Variants in C7 observed in about 807,000 individuals in gnomAD.
The protein encoded by C7 is complement component C7.
A neutral mutation model predicts 104.8 loss-of-function variants in C7; 83 were observed. That is an observed-to-expected ratio of 0.79 (90% CI 0.66 to 0.95). The LOEUF (loss-of-function observed/expected upper bound fraction) is 0.95, where lower values mean the gene tolerates loss of function less well. Among genes scored for constraint, C7 ranks in the 40% least tolerant of loss-of-function variants. The pLI is 0.00. For missense variants in C7, 1,070 were observed against 1,011.2 expected, an observed-to-expected ratio of 1.06 and a Z score of -0.79; for synonymous variants, 415 against 360.6, an observed-to-expected ratio of 1.15 and a Z score of -1.71.
intron 17 of C7, 21 bp downstream of exon 17, chr5:40,979,930 G>GT: frequency 6.4e-7 from 1 of 1,551,156 alleles, no homozygotes; most frequent in Non-Finnish European, 8.7e-7. Flanking sequence ...TTTCATATTT[G>GT]TAAGTATAAG....
chr5:40,922,575 C>A (rs1291921762), intron 1 of C7, among the ~76,000 whole-genome samples: 1 of 150,568 alleles, frequency 6.6e-6, no homozygotes, highest in African/African-American at 2.4e-5. Flanking sequence ...GTGGCACGTG[C>A]CTGTAATTTC....
chr5:40,923,627 T>G (rs923703702), intron 1 of C7, among the ~76,000 whole-genome samples: 1 of 151,962 alleles, frequency 6.6e-6, no homozygotes, highest in Admixed American at 6.6e-5. Flanking sequence ...GTGCCTGTAA[T>G]CATAGCTACT....
intron 1 of C7, among the ~76,000 whole-genome samples, chr5:40,912,425 C>A (rs987565759): frequency 2.6e-5 from 4 of 152,160 alleles, no homozygotes; most frequent in African/African-American, 9.7e-5. Context: ...GTTGCCCTGG[C>A]TGGAGTGTAG....
rs1740724965 is a variant in C7, at chr5:40,972,612, C to T, written c.2074+18C>T. 1.3e-6 allele frequency: 2 copies of T among 1,572,692 alleles called. No homozygotes were observed. The highest frequency in any genetic ancestry group is 2.2e-5 in the East Asian group (1 of 44,718). On this transcript the variant is annotated intron_variant, in intron 15 of 17. Transcript: ENST00000313164. ...ACAAAAAGGTGAGTGGCTTCCATGT[C>T]TATCCAAGGACACTTGTACCCAGGC...
intron 1 of C7, among the ~76,000 whole-genome samples, chr5:40,910,894 C>G: frequency 1.3e-5 from 2 of 151,320 alleles, no homozygotes; most frequent in East Asian, 3.9e-4. Context: ...AACTATTAAT[C>G]TTTTACTTTA....
chr5:40,953,509 C>T (rs551225061), intron 9 of C7, among the ~76,000 whole-genome samples: 17 of 151,878 alleles, frequency 1.1e-4, no homozygotes, highest in African/African-American at 3.1e-4. Context: ...GGTGTGGTGG[C>T]GCACGCCTGT....
chr5:40,955,254 T>G, intron 9 of C7, 133 bp from the exon 10 acceptor site: 1 of 756,800 alleles, frequency 1.3e-6, no homozygotes, highest in Non-Finnish European at 2.1e-6. Context: ...TATTCATCCC[T>G]CCCTTCTTTC....
chr5:40,963,259 T>C (rs1740459900), intron 13 of C7, among the ~76,000 whole-genome samples: 1 of 152,230 alleles, frequency 6.6e-6, no homozygotes, highest in Non-Finnish European at 1.5e-5. Context: ...CTTTCTCACT[T>C]GTCCTCCACG....
chr5:40,960,541 G>A (rs894396856), intron 12 of C7, among the ~76,000 whole-genome samples: 1 of 152,016 alleles, frequency 6.6e-6, no homozygotes, highest in Non-Finnish European at 1.5e-5. Flanking sequence ...GAGGATGAGG[G>A]TCTGGGAGGA....
At chr5:40,913,620 G>A (rs112356037) in intron 1 of C7, among the ~76,000 whole-genome samples, 21 of 151,970 alleles carry the variant, frequency 1.4e-4, no homozygotes, top group Non-Finnish European at 2.6e-4. Flanking sequence ...TCAGCCTCCT[G>A]AGTAGCTGGC....
At chr5:40,962,259 G>C (rs554214793) in intron 13 of C7, 87 bp downstream of exon 13, 1 of 722,864 alleles carries the variant, frequency 1.4e-6, no homozygotes, top group Admixed American at 3.0e-5. Flanking sequence ...TTCCTCCATG[G>C]TGAAGCCGTG....
At position 40,911,306 on chromosome 5, in the gene C7, A is replaced by G. The variant is rs541193381; in HGVS notation, c.6+1690A>G. On this transcript the variant is annotated intron_variant, in intron 1 of 17. Transcript: ENST00000313164. ...AAATGGTTTCTATGTCAGACTTTTTAAGAGGAAGCAATGTTTTGGCCCCAC... is the reference window on the plus strand; with the variant it reads ...AAATGGTTTCTATGTCAGACTTTTTGAGAGGAAGCAATGTTTTGGCCCCAC... 2.0e-5 allele frequency among the ~76,000 whole-genome samples: 3 copies of G among 152,346 alleles called. No individual in the cohort carries two copies. In the East Asian group the frequency reaches 5.8e-4, roughly 29 times the overall value.
At chr5:40,943,389 GGAA>G (rs1368781642) in intron 6 of C7, among the ~76,000 whole-genome samples, 3 of 151,894 alleles carry the variant, frequency 2.0e-5, no homozygotes, top group Non-Finnish European at 4.4e-5. Context: ...GATCTAAGCT[GGAA>G]GAAGGAGGGT....
At position 40,912,051 on chromosome 5, in the gene C7, C is replaced by T. The variant is rs141060021; in HGVS notation, c.6+2435C>T. 1.3e-3 allele frequency among the ~76,000 whole-genome samples: 191 copies of T among 152,130 alleles called. 3 individuals carry two copies. In the East Asian group the frequency reaches 0.03, roughly 24 times the overall value. On this transcript the variant is annotated intron_variant, in intron 1 of 17. Coordinates refer to ENST00000313164, the MANE Select transcript of C7 (RefSeq NM_000587.4). ...GCATGAACCACCACGCCCGGCCCCA[C>T]ATACTTCTTCAACCAAGCAATTCTT...
At chr5:40,955,059 G>C (rs1379644063) in intron 9 of C7, 3 of 278,918 alleles carry the variant, frequency 1.1e-5, no homozygotes, top group Non-Finnish European at 2.0e-5. Context: ...TAACAGAGTG[G>C]AACATTTGTT....
intron 14 of C7, among the ~76,000 whole-genome samples, chr5:40,970,344 G>C (rs961509784): frequency 1.3e-5 from 2 of 152,034 alleles, no homozygotes; most frequent in Admixed American, 1.3e-4. Flanking sequence ...TTTTAATCAT[G>C]AATTCTGACT....
rs115746970 is a variant in C7 at position 40,918,275 on chromosome 5, A to T, written c.6+8659A>T. On this transcript the variant is annotated intron_variant, in intron 1 of 17. Coordinates refer to ENST00000313164, the MANE Select transcript of C7 (RefSeq NM_000587.4). ...TCACAAAGGCTGAGGTGGGAGCATC[A>T]TTTGAGCCTGGGAGGTCGAGGGTGC... Among the ~76,000 whole-genome samples, 562 of 152,126 alleles carry T rather than the reference A, an allele frequency of 3.7e-3. 6 individuals carry two copies. The highest frequency in any genetic ancestry group is 0.013 in the African/African-American group (534 of 41,492).
Position 40,958,067 on chromosome 5 carries a change from C to T in C7, c.1295C>T (p.Pro432Leu), listed in dbSNP as rs767110681. The T allele has an allele frequency of 2.3e-5, 37 of 1,613,550 alleles. 1 individual carries two copies. The highest frequency in any genetic ancestry group is 3.3e-4 in the Middle Eastern group (2 of 6,062). ...TTATATGAGCTGGTAAAGGAAGTAC[C>T]TTGTGCCTCTGTGAAAAAACTATAC... is the stretch of plus-strand genomic sequence containing the variant. Reference protein sequence around the residue: ...TPLYELVKEVPCASVKKLYLK... With the variant: ...TPLYELVKEVLCASVKKLYLK... The change falls in exon 11 of 18, where the codon CCT becomes CTT. Residue 432 changes from proline to leucine, a missense_variant. Pro to Leu is a moderately conservative substitution (Grantham distance 98). Coordinates refer to ENST00000313164, the MANE Select transcript of C7 (RefSeq NM_000587.4).
At position 40,949,936 on chromosome 5, in the gene C7, T is replaced by C. The variant is rs1324675576; in HGVS notation, c.1015T>C (p.Ser339Pro). Residue 339 changes from serine to proline, a missense_variant, in exon 9 of 18, where the codon TCC becomes CCC. By Grantham distance (74) the Ser-to-Pro change is moderately conservative. Coordinates refer to ENST00000313164, the MANE Select transcript of C7 (RefSeq NM_000587.4). ...FNSVEEKKCK[S>P]SGWHFVVKFS... ...TTCAGTCGAAGAAAAGAAATGTAAA[T>C]CCTCAGGTTGGCATTTTGTCGTTAA... The C allele has an allele frequency of 6.3e-7, 1 of 1,598,314 alleles. No homozygotes were observed. The highest frequency in any genetic ancestry group is 1.1e-5 in the South Asian group (1 of 88,208).
Sources: allele counts gnomAD v4.1 joint callset (sites outside exome capture counted in the v4.1 genomes callset), GRCh38; gene constraint gnomAD v4.1.1; transcripts MANE v1.5; gene names NCBI Gene and HGNC (gene_info 2026-07-23, HGNC 2026-07-21).